Variants in HTT observed in about 807,000 individuals in gnomAD.
HTT encodes the protein huntington disease protein.
HTT carries 104 observed loss-of-function variants against 362.3 expected under a neutral mutation model. The observed-to-expected ratio is 0.29, with a 90% confidence interval of 0.24 to 0.34. The LOEUF is 0.34. HTT is among the 10% of genes least tolerant of loss of function. The pLI is 1.00. For synonymous variants in HTT, 1,577 were observed against 1,548.7 expected (o/e 1.02, Z -0.43); for missense variants, 3,301 against 3,928.6 (o/e 0.84, Z 4.27).
intron 28 of HTT, among the ~76,000 whole-genome samples, chr4:3,159,280 A>G (rs1223839316): frequency 6.6e-6 from 1 of 152,068 alleles, no homozygotes; most frequent in East Asian, 1.9e-4. Flanking sequence ...TTCTCATCTC[A>G]TGACCTCTTT....
chr4:3,213,582 T>C (rs947255460), intron 49 of HTT, among the ~76,000 whole-genome samples: 1 of 152,236 alleles, frequency 6.6e-6, no homozygotes, highest in Non-Finnish European at 1.5e-5. Context: ...CAAGGCCTGC[T>C]ATCCCTAGAA....
intron 60 of HTT, among the ~76,000 whole-genome samples, chr4:3,230,418 A>G (rs1291538373): frequency 6.6e-6 from 1 of 151,588 alleles, no homozygotes; most frequent in Non-Finnish European, 1.5e-5. Context: ...TGACTGCCTC[A>G]CTCCCCTTCT....
intron 66 of HTT, 85 bp from the exon 67 acceptor site, chr4:3,239,761 T>A: frequency 8.9e-7 from 1 of 1,126,332 alleles, no homozygotes; most frequent in East Asian, 2.6e-5. Flanking sequence ...CTTTGTAGAC[T>A]GTTTCAGGAG....
chr4:3,149,369 C>T (rs1164583931), intron 26 of HTT, among the ~76,000 whole-genome samples: 1 of 147,204 alleles, frequency 6.8e-6, no homozygotes, highest in Non-Finnish European at 1.5e-5. Flanking sequence ...GTGATCTCAG[C>T]TCACTGCAAC....
In HTT at chr4:3,175,025, TGCAGTTA is replaced by T; in HGVS notation, c.4326_4332del (p.Gln1443ArgfsTer5). ...AAACAGTACACGACTACAACATGTG[TGCAGTTA>T]CAGAAGCAGGTTTTAGATTTGCTGG... On this transcript the variant is annotated frameshift_variant, in exon 33 of 67. Transcript: ENST00000355072. LOFTEE classifies it high-confidence loss of function. The T allele has an allele frequency of 6.2e-7, 1 of 1,613,834 alleles. No homozygotes were observed. The highest frequency in any genetic ancestry group is 1.1e-5 in the South Asian group (1 of 91,078).
In HTT at chr4:3,074,876, CCAGCAGCAGCAGCAGCAGCAG is replaced by C. The variant is rs71180116; in HGVS notation, c.90_110del (p.Gln32_Gln38del). 6,097 of 1,357,552 alleles carry C rather than the reference CCAGCAGCAGCAGCAGCAGCAG, an allele frequency of 4.5e-3. 41 individuals carry two copies. The highest frequency in any genetic ancestry group is 6.2e-3 in the Middle Eastern group (25 of 4,036). The allele number at this position is 1,357,552 out of a possible 1,614,324, so 84.1% of individuals were successfully genotyped here. ...AGGCCTTCGAGTCCCTCAAGTCCTT[CCAGCAGCAGCAGCAGCAGCAG>C]CAGCAGCAGCAGCAGCAGCAGCAGC... is the stretch of plus-strand genomic sequence containing the variant. On this transcript the variant is annotated inframe_deletion, in exon 1 of 67. Coordinates refer to ENST00000355072, the MANE Select transcript of HTT (RefSeq NM_001388492.1).
At chr4:3,080,117 G>T (rs1296471219) in intron 1 of HTT, among the ~76,000 whole-genome samples, 1 of 135,336 alleles carries the variant, frequency 7.4e-6, no homozygotes. Context: ...TTTTTGAAAC[G>T]GAGTTTCGCT....
chr4:3,222,187 T>G (rs980186329), intron 53 of HTT, among the ~76,000 whole-genome samples, 200 bp from the exon 54 acceptor site: 5 of 152,224 alleles, frequency 3.3e-5, no homozygotes, highest in African/African-American at 1.2e-4. Context: ...GTGCAGCCGA[T>G]GTCTATACTT....
intron 48 of HTT, 111 bp from the exon 49 acceptor site, chr4:3,212,453 G>C: frequency 7.3e-7 from 1 of 1,365,928 alleles, no homozygotes; most frequent in South Asian, 1.3e-5. Flanking sequence ...TGCCACTGAG[G>C]AACAATGTCT....
chr4:3,171,094 A>AT, intron 29 of HTT, among the ~76,000 whole-genome samples: 1 of 152,258 alleles, frequency 6.6e-6, no homozygotes, highest in East Asian at 1.9e-4. Context: ...TCTATTTGTA[A>AT]TTTTTTCAGT....
chr4:3,209,698 TGCCG>T, intron 46 of HTT, 125 bp from the exon 47 acceptor site: 1 of 1,129,198 alleles, frequency 8.9e-7, no homozygotes, highest in Non-Finnish European at 1.3e-6. Context: ...AGCCACAGCC[TGCCG>T]GCCGGCAGCC....
At chr4:3,110,175 A>G (rs1304645049) in intron 6 of HTT, among the ~76,000 whole-genome samples, 1 of 152,134 alleles carries the variant, frequency 6.6e-6, no homozygotes, top group Non-Finnish European at 1.5e-5. Context: ...TGCCTTGATT[A>G]TATGTCTTTG....
rs1720499749 is a variant in HTT at position 3,218,049 on chromosome 4, C to T, written c.7242+97C>T. 1.9e-6 allele frequency: 2 copies of T among 1,077,602 alleles called. No individual in the cohort carries two copies. The highest frequency in any genetic ancestry group is 1.6e-5 in the South Asian group (1 of 60,828). 66.8% of individuals were successfully genotyped at this position (1,077,602 alleles called of 1,614,324 possible). ...GTGAGAGGGCGGGACAGAATCCCCG[C>T]AGCCCAGAGGCTGCCTGCTGTGGTT... On this transcript the variant is annotated intron_variant, in intron 52 of 66. Coordinates refer to ENST00000355072, the MANE Select transcript of HTT (RefSeq NM_001388492.1). This position sits in a 1 kb window ranked among gnomAD's most constrained non-coding sequence, Gnocchi z 4.4.
chr4:3,172,786 T>A lies in HTT; in HGVS notation c.3943-122T>A. 5.4e-6 allele frequency: 4 copies of A among 737,264 alleles called. No individual in the cohort carries two copies. The South Asian group carries it at 6.5e-5, about 12-fold the overall frequency. The allele number at this position is 737,264 out of a possible 1,614,324, so 45.7% of individuals were successfully genotyped here. On this transcript the variant is annotated intron_variant, in intron 30 of 66. Coordinates refer to ENST00000355072, the MANE Select transcript of HTT (RefSeq NM_001388492.1). ...ATTAATAGTGATTCACAGGAAGAAT[T>A]TCACGCTGTGAGTCTTTGCTAACAT...
At chr4:3,238,741 A>ACCCCCCCCCCC in intron 65 of HTT, 77 bp from the exon 66 acceptor site, 1 of 476,958 alleles carries the variant, frequency 2.1e-6, no homozygotes, top group African/African-American at 3.1e-5. Flanking sequence ...CCCCCACCCC[A>ACCCCCCCCCCC]CCCCCGCCAC....
At chr4:3,224,785 G>A (rs1438818843) in intron 56 of HTT, among the ~76,000 whole-genome samples, 4 of 152,240 alleles carry the variant, frequency 2.6e-5, no homozygotes, top group East Asian at 1.9e-4. Flanking sequence ...CTATGTGGAC[G>A]TGCAATGTGT....
chr4:3,158,318 A>G lies in HTT; in HGVS notation c.3753+1119A>G, dbSNP rs75112577. Among the ~76,000 whole-genome samples the G allele has an allele frequency of 6.9e-3, 1,050 of 152,300 alleles. 15 individuals are homozygous for G. The highest frequency in any genetic ancestry group is 0.024 in the African/African-American group (999 of 41,558). On this transcript the variant is annotated intron_variant, in intron 28 of 66. Transcript: ENST00000355072. Reference sequence around the variant, plus strand: ...TTCTTAATTATTGTAGCTTAATGGTATTTATGAGGGGATCAGTTCCCCTGT... The same window carrying G: ...TTCTTAATTATTGTAGCTTAATGGTGTTTATGAGGGGATCAGTTCCCCTGT...
chr4:3,101,728 A>G (rs1006649448), intron 3 of HTT, among the ~76,000 whole-genome samples: 3 of 152,206 alleles, frequency 2.0e-5, no homozygotes, highest in African/African-American at 4.8e-5. Context: ...TCCCTCAGGT[A>G]GGTTAGTCTC....
chr4:3,165,208 G>A (rs1366973547), intron 29 of HTT, among the ~76,000 whole-genome samples: 2 of 152,176 alleles, frequency 1.3e-5, no homozygotes, highest in South Asian at 2.1e-4. Context: ...TGAAATTCTG[G>A]GTTGAAAATA....
Sources: allele counts gnomAD v4.1 joint callset (sites outside exome capture counted in the v4.1 genomes callset), GRCh38; gene constraint gnomAD v4.1.1; non-coding constraint Gnocchi (gnomAD v3.1); transcripts MANE v1.5; gene names NCBI Gene and HGNC (gene_info 2026-07-23, HGNC 2026-07-21).